The following ZNF354B variants were observed in gnomAD, a reference collection of about 807,000 sequenced individuals.
ZNF354B encodes the protein zinc finger protein 354B.
Under a neutral mutation model 12.9 loss-of-function variants are expected in ZNF354B, and 10 were observed. The ratio of observed to expected loss-of-function variants is 0.77; its 90% CI spans 0.48 to 1.31. The LOEUF is 1.31. Among genes scored for constraint, ZNF354B ranks in the 40% most tolerant of loss-of-function variants. The pLI is 0.00. For missense variants in ZNF354B, 614 were observed against 711.7 expected (o/e 0.86, Z 1.56); for synonymous variants, 260 against 243.7 (o/e 1.07, Z -0.62).
intron 4 of ZNF354B, among the ~76,000 whole-genome samples, chr5:178,879,545 A>G (rs557046177): frequency 2.0e-3 from 304 of 151,310 alleles, no homozygotes; most frequent in Non-Finnish European, 2.8e-3. Context: ...ATGCCCAGCT[A>G]ATTTTTGTAT....
chr5:178,876,234 C>T (rs898630597), intron 4 of ZNF354B, among the ~76,000 whole-genome samples: 6 of 152,156 alleles, frequency 3.9e-5, no homozygotes, highest in Admixed American at 6.5e-5. Context: ...AGTCCCAGGT[C>T]GGGAGGCCCT....
At chr5:178,881,374 G>A (rs1419656969) in intron 4 of ZNF354B, among the ~76,000 whole-genome samples, 1 of 152,112 alleles carries the variant, frequency 6.6e-6, no homozygotes, top group Non-Finnish European at 1.5e-5. Context: ...AGCCCAAAAT[G>A]TCATCTGAGG....
chr5:178,883,394 T>C lies in ZNF354B; in HGVS notation c.942T>C (p.Phe314=), dbSNP rs530393484. Residue 314 remains phenylalanine (F), a synonymous_variant, in exon 5 of 5, where the codon TTT becomes TTC. Coordinates refer to ENST00000322434, the MANE Select transcript of ZNF354B (RefSeq NM_058230.3). ...GKSFSRRSGL[F]IHQKIHAQEN... Reference sequence around the variant, plus strand: ...CCTTCAGTCGAAGGTCTGGGCTTTTTATACATCAAAAAATCCATGCTCAAG... The same window carrying C: ...CCTTCAGTCGAAGGTCTGGGCTTTTCATACATCAAAAAATCCATGCTCAAG... 1.1e-4 allele frequency: 173 copies of C among 1,614,110 alleles called. 1 individual carries two copies. In the South Asian group the frequency reaches 1.7e-3, roughly 16 times the overall value.
At chr5:178,864,793 T>G (rs1284320771) in intron 2 of ZNF354B, among the ~76,000 whole-genome samples, 1 of 151,954 alleles carries the variant, frequency 6.6e-6, no homozygotes, top group African/African-American at 2.4e-5. Context: ...CGGCTAATTT[T>G]TTGTATTTTT....
chr5:178,867,336 T>C (rs1199845845), intron 4 of ZNF354B, among the ~76,000 whole-genome samples: 2 of 152,180 alleles, frequency 1.3e-5, no homozygotes, highest in Non-Finnish European at 2.9e-5. Flanking sequence ...ACATAGTATA[T>C]TTAAGGAACT....
chr5:178,867,787 G>A lies in ZNF354B; in HGVS notation c.256+716G>A, dbSNP rs562641025. On this transcript the variant is annotated intron_variant, in intron 4 of 4. Transcript: ENST00000322434. ...AGGTTAGGAGGACACACCTTAGCTG[G>A]TGACATTAGTTACACTTGGAATGGG... 4.6e-5 allele frequency among the ~76,000 whole-genome samples: 7 copies of A among 152,286 alleles called. No homozygotes were observed. In the East Asian group the frequency reaches 5.8e-4, roughly 13 times the overall value.
intron 4 of ZNF354B, among the ~76,000 whole-genome samples, 161 bp downstream of exon 4, chr5:178,867,232 G>A (rs114400853): frequency 1.3e-5 from 2 of 152,322 alleles, no homozygotes; most frequent in African/African-American, 2.4e-5. Flanking sequence ...TTAGTCACTT[G>A]TAATCACTTC....
intron 2 of ZNF354B, among the ~76,000 whole-genome samples, chr5:178,864,971 C>T (rs1757424521): frequency 6.6e-6 from 1 of 152,106 alleles, no homozygotes; most frequent in Admixed American, 6.6e-5. Context: ...GATATATAAC[C>T]TGCTTTGTAC....
intron 4 of ZNF354B, among the ~76,000 whole-genome samples, chr5:178,877,896 A>G (rs982089697): frequency 1.3e-5 from 2 of 152,310 alleles, no homozygotes; most frequent in African/African-American, 4.8e-5. Flanking sequence ...GTCTAGGTGG[A>G]TAGATAGAAC....
At chr5:178,871,946 A>T (rs553550722) in intron 4 of ZNF354B, among the ~76,000 whole-genome samples, 48 of 152,338 alleles carry the variant, frequency 3.2e-4, no homozygotes, top group South Asian at 3.1e-3. Context: ...GTAGATTTAT[A>T]TGCAGTTGTG....
intron 2 of ZNF354B, among the ~76,000 whole-genome samples, chr5:178,863,095 C>T (rs1051295846): frequency 2.0e-5 from 3 of 152,098 alleles, no homozygotes; most frequent in Non-Finnish European, 4.4e-5. Context: ...TTTTCTAGTC[C>T]GCCAGTCAGA....
At chr5:178,868,461 A>G (rs1757498864) in intron 4 of ZNF354B, among the ~76,000 whole-genome samples, 3 of 151,236 alleles carry the variant, frequency 2.0e-5, no homozygotes, top group Admixed American at 6.6e-5. Flanking sequence ...TTGGGCAGAA[A>G]GGGACACAGG....
chr5:178,867,075 A>G lies in ZNF354B; in HGVS notation c.256+4A>G, dbSNP rs369636696. ...AGTTCTGGTGTCTCCTCTCTAGGTA[A>G]GTGGGTGGCCCGAGGTGCTCGGGAA... On this transcript the variant is annotated splice_donor_region_variant and intron_variant, in intron 4 of 4. Transcript: ENST00000322434. 62 of 1,612,170 alleles carry G rather than the reference A, an allele frequency of 3.8e-5. 1 individual carries two copies. In the South Asian group the frequency reaches 3.8e-4, roughly 10 times the overall value.
chr5:178,882,093 A>G (rs182975916), intron 4 of ZNF354B, among the ~76,000 whole-genome samples: 9 of 152,296 alleles, frequency 5.9e-5, no homozygotes, highest in Non-Finnish European at 8.8e-5. Context: ...TATGTATTCT[A>G]TTATGTTGAG....
intron 4 of ZNF354B, among the ~76,000 whole-genome samples, chr5:178,868,831 G>A (rs181472441): frequency 0.15 from 22,438 of 151,928 alleles, 2,004 homozygotes; most frequent in African/African-American, 0.25. Flanking sequence ...AATTAGCCGG[G>A]CATGGTGGCG....
At chr5:178,867,929 T>C (rs1757489424) in intron 4 of ZNF354B, among the ~76,000 whole-genome samples, 1 of 152,184 alleles carries the variant, frequency 6.6e-6, no homozygotes, top group South Asian at 2.1e-4. Flanking sequence ...ATGGTCACTT[T>C]GGGAGTATCG....
chr5:178,882,000 T>C (rs1757725612), intron 4 of ZNF354B, among the ~76,000 whole-genome samples: 1 of 152,130 alleles, frequency 6.6e-6, no homozygotes, highest in East Asian at 1.9e-4. Flanking sequence ...GTAGGGAAAA[T>C]AATGGGTGTC....
At chr5:178,868,287 G>T (rs934589556) in intron 4 of ZNF354B, among the ~76,000 whole-genome samples, 1 of 149,202 alleles carries the variant, frequency 6.7e-6, no homozygotes, top group African/African-American at 2.5e-5. Context: ...AACAGCATTT[G>T]CGAGGTGCTT....
rs145594945 is a variant in ZNF354B, at chr5:178,883,538, C to T, written c.1086C>T (p.Thr362=). ...KSYLCNECGN[T]FKSSSSLRYH... is the part of the protein sequence containing the mutation. ...ACTTATGTAATGAATGTGGCAACAC[C>T]TTTAAGTCTAGCTCATCCCTTCGTT... Residue 362 remains threonine (T), a synonymous_variant, in exon 5 of 5, where the codon ACC becomes ACT. Transcript: ENST00000322434. The T allele has an allele frequency of 1.7e-4, 276 of 1,614,034 alleles. 1 individual carries two copies. In the African/African-American group the frequency reaches 3.0e-3, roughly 17 times the overall value.
Sources: gnomAD v4.1 joint callset for allele counts (sites outside exome capture counted in the v4.1 genomes callset) on GRCh38, gnomAD v4.1.1 for gene constraint, MANE v1.5 for transcripts, NCBI Gene and HGNC (gene_info 2026-07-23, HGNC 2026-07-21) for gene names.